Variants in MTA3 observed in about 807,000 individuals in gnomAD.
MTA3 encodes the protein metastasis associated 1 family member 3, also known as metastasis-associated protein MTA3.
MTA3 carries 34 observed loss-of-function variants against 83.5 expected under a neutral mutation model. The observed-to-expected ratio is 0.41, with a 90% confidence interval of 0.31 to 0.54. The LOEUF is 0.54. Among genes scored for constraint, MTA3 ranks in the 20% least tolerant of loss-of-function variants. MTA3 has a pLI of 0.33. For synonymous variants in MTA3, 303 were observed against 252.7 expected (o/e 1.20, Z -1.89); for missense variants, 761 against 726.4 (o/e 1.05, Z -0.55).
chr2:42,573,260 A>G (rs933566011), intron 2 of MTA3, among the ~76,000 whole-genome samples: 3 of 152,196 alleles, frequency 2.0e-5, no homozygotes, highest in Non-Finnish European at 4.4e-5. Flanking sequence ...TGAGAAGGCA[A>G]GCCTGACCTA....
chr2:42,553,423 C>CAAAAA (rs35686153), intron 2 of MTA3, among the ~76,000 whole-genome samples: 1 of 122,574 alleles, frequency 8.2e-6, no homozygotes, highest in African/African-American at 3.2e-5. Context: ...GACTCCATCT[C>CAAAAA]AAAAAAAAAA....
chr2:42,670,603 G>A (rs567774243), intron 8 of MTA3, among the ~76,000 whole-genome samples: 1 of 152,052 alleles, frequency 6.6e-6, no homozygotes, highest in African/African-American at 2.4e-5. Flanking sequence ...ACTTCCTTAT[G>A]CCTACTCAGG....
chr2:42,676,380 A>G (rs1011585994), intron 8 of MTA3, among the ~76,000 whole-genome samples: 10 of 152,240 alleles, frequency 6.6e-5, no homozygotes, highest in Admixed American at 2.0e-4. Context: ...ACAAAACTGA[A>G]AATCCATTCA....
intron 6 of MTA3, among the ~76,000 whole-genome samples, chr2:42,646,821 C>T (rs1378650920): frequency 5.3e-5 from 8 of 151,968 alleles, no homozygotes; most frequent in Admixed American, 5.2e-4. Context: ...ACTTAGTTGG[C>T]AAAGCAGTGG....
intron 4 of MTA3, among the ~76,000 whole-genome samples, chr2:42,629,053 A>C (rs1329331700): frequency 3.3e-5 from 5 of 152,106 alleles, no homozygotes; most frequent in African/African-American, 1.2e-4. Context: ...GCAACCTGGG[A>C]TCCAAAAGCA....
chr2:42,617,026 A>G (rs533510537), intron 4 of MTA3, among the ~76,000 whole-genome samples: 75 of 152,350 alleles, frequency 4.9e-4, no homozygotes, highest in African/African-American at 1.7e-3. Context: ...GACAGAGAAT[A>G]GGAAAGCTTT....
At chr2:42,599,779 T>G (rs12478177) in intron 3 of MTA3, among the ~76,000 whole-genome samples, 60,526 of 151,966 alleles carry the variant, frequency 0.4, 12,420 homozygotes, top group Middle Eastern at 0.53. Flanking sequence ...ATAATATGGT[T>G]GACTCATTTG....
At chr2:42,572,676 A>G (rs1288617187) in intron 2 of MTA3, among the ~76,000 whole-genome samples, 3 of 152,158 alleles carry the variant, frequency 2.0e-5, no homozygotes, top group African/African-American at 7.2e-5. Flanking sequence ...ATGGTCGTTT[A>G]TTAGGACAAA....
intron 16 of MTA3, among the ~76,000 whole-genome samples, chr2:42,739,445 TAAA>T (rs60704945): frequency 1.7e-4 from 24 of 138,520 alleles, no homozygotes; most frequent in African/African-American, 5.6e-4. Context: ...ACTTTATTGC[TAAA>T]AAAAAAAAAA....
chr2:42,559,608 G>C (rs899691725), intron 2 of MTA3, among the ~76,000 whole-genome samples: 1 of 151,896 alleles, frequency 6.6e-6, no homozygotes, highest in Non-Finnish European at 1.5e-5. Flanking sequence ...GCCAGGCGCA[G>C]TGGCTCACGC....
At chr2:42,741,297 T>A (rs902055075) in intron 16 of MTA3, among the ~76,000 whole-genome samples, 2 of 152,226 alleles carry the variant, frequency 1.3e-5, no homozygotes, top group African/African-American at 4.8e-5. Flanking sequence ...TCAGGCCACT[T>A]TCTCCTTATC....
intron 8 of MTA3, among the ~76,000 whole-genome samples, chr2:42,660,922 C>G (rs1320263075): frequency 6.6e-6 from 1 of 152,152 alleles, no homozygotes; most frequent in Non-Finnish European, 1.5e-5. Context: ...GGCTTTAAAG[C>G]AGTCCTCTTG....
At chr2:42,559,020 C>T (rs1425813390) in intron 2 of MTA3, among the ~76,000 whole-genome samples, 1 of 152,140 alleles carries the variant, frequency 6.6e-6, no homozygotes, top group Non-Finnish European at 1.5e-5. Context: ...CTCTGCCCTC[C>T]TCTCCACCCA....
At chr2:42,552,623 CAAAA>C (rs536783114) in intron 2 of MTA3, among the ~76,000 whole-genome samples, 7 of 88,370 alleles carry the variant, frequency 7.9e-5, no homozygotes, top group Admixed American at 1.3e-4. Context: ...ACTCCTTGTC[CAAAA>C]AAAAAAAAAA....
At chr2:42,526,448 C>G (rs1014545906) in intron 2 of MTA3, among the ~76,000 whole-genome samples, 6 of 152,158 alleles carry the variant, frequency 3.9e-5, no homozygotes, top group African/African-American at 1.4e-4. Context: ...CCAAGATGAT[C>G]AGTACATTCC....
intron 4 of MTA3, among the ~76,000 whole-genome samples, chr2:42,623,565 CTCTT>C (rs1685780970): frequency 6.6e-6 from 1 of 152,106 alleles, no homozygotes; most frequent in African/African-American, 2.4e-5. Context: ...CCTTTTCCTT[CTCTT>C]TCTTTTTCCT....
intron 3 of MTA3, among the ~76,000 whole-genome samples, chr2:42,579,596 A>G (rs1191687968): frequency 6.6e-6 from 1 of 151,118 alleles, no homozygotes; most frequent in African/African-American, 2.4e-5. Flanking sequence ...CTGGCCTAGT[A>G]TATGGTTTTT....
upstream of MTA3, among the ~76,000 whole-genome samples, chr2:42,565,252 A>G (rs1281036542): frequency 6.6e-6 from 1 of 151,588 alleles, no homozygotes; most frequent in Non-Finnish European, 1.5e-5. Context: ...AGGGGCATAA[A>G]CATGGCTCAC....
chr2:42,520,719 C>T (rs917039053), intron 2 of MTA3, among the ~76,000 whole-genome samples: 3 of 152,054 alleles, frequency 2.0e-5, no homozygotes, highest in Admixed American at 6.6e-5. Flanking sequence ...GTGTGCACCA[C>T]CACACCGGGC....
Sources: allele counts gnomAD v4.1 joint callset (sites outside exome capture counted in the v4.1 genomes callset), GRCh38; gene constraint gnomAD v4.1.1; transcripts MANE v1.5; gene names NCBI Gene and HGNC (gene_info 2026-07-23, HGNC 2026-07-21).